PTPRG: variants seen among roughly 807,000 people sequenced by gnomAD.
PTPRG encodes protein tyrosine phosphatase receptor type G.
PTPRG carries 102 observed loss-of-function variants against 165.3 expected under a neutral mutation model. The observed-to-expected ratio is 0.62, with a 90% confidence interval of 0.53 to 0.73. The LOEUF is 0.73. Ranked by LOEUF, PTPRG falls within the 30% of genes least tolerant of loss-of-function variation. The probability of loss-of-function intolerance (pLI) is 0.00; values close to 1 mark genes in which losing one functional copy is unlikely to be tolerated. For synonymous variants in PTPRG, 675 were observed against 669.5 expected, an observed-to-expected ratio of 1.01 and a Z score of -0.13; for missense variants, 1,866 against 1,861.4, an observed-to-expected ratio of 1.00 and a Z score of -0.05.
intron 2 of PTPRG, among the ~76,000 whole-genome samples, chr3:61,851,505 G>A (rs996522455): frequency 3.3e-5 from 5 of 152,080 alleles, no homozygotes; most frequent in Admixed American, 2.6e-4. Flanking sequence ...ATCTCATGGC[G>A]TGCTTTATCT....
intron 2 of PTPRG, among the ~76,000 whole-genome samples, chr3:61,983,600 C>G (rs1370065304): frequency 6.6e-6 from 1 of 152,002 alleles, no homozygotes; most frequent in African/African-American, 2.4e-5. Context: ...ATTCAAGGTA[C>G]ATGCTTATTT....
intron 2 of PTPRG, among the ~76,000 whole-genome samples, chr3:61,818,087 C>T (rs115890011): frequency 0.021 from 3,183 of 152,222 alleles, 60 homozygotes; most frequent in South Asian, 0.034. Context: ...AGAAAAGCTC[C>T]ACCATACCCC....
Position 61,610,749 on chromosome 3 carries a change from GCCTC to G in PTPRG, c.85+48397_85+48400del, listed in dbSNP as rs10662046. On this transcript the variant is annotated intron_variant, in intron 1 of 29. Transcript: ENST00000474889. The stretch of plus-strand genomic sequence containing the variant: ...TCTCTCATTGCCTTCCTGCCTCCCT[GCCTC>G]CCTCCCTCCCTCCCTCCCTACCTCC... Among the ~76,000 whole-genome samples the G allele has an allele frequency of 4.7e-4, 46 of 98,632 alleles. 1 individual carries two copies. The highest frequency in any genetic ancestry group is 2.0e-3 in the South Asian group (5 of 2,554). 64.7% of individuals were successfully genotyped at this position (98,632 alleles called of 152,430 possible). A position where few individuals can be genotyped will look rare whatever the true frequency, so the allele number is the denominator to read the frequency against.
intron 5 of PTPRG, among the ~76,000 whole-genome samples, chr3:62,083,243 C>T (rs1299085127): frequency 6.7e-6 from 1 of 149,756 alleles, no homozygotes; most frequent in Non-Finnish European, 1.5e-5. Context: ...ATAGTAATCG[C>T]GGTTTTTGCC....
rs186310630 is a variant in PTPRG, at chr3:61,866,368, C to T, written c.190+117386C>T. 5.7e-4 allele frequency among the ~76,000 whole-genome samples: 86 copies of T among 152,128 alleles called. 1 individual carries two copies. In the East Asian group the frequency reaches 0.014, roughly 25 times the overall value. On this transcript the variant is annotated intron_variant, in intron 2 of 29. Coordinates refer to ENST00000474889, the MANE Select transcript of PTPRG (RefSeq NM_002841.4). ...CTCTACCTCTAGGCTTACAGAAGGG[C>T]CAGAGGTGGTGCTAATCAGGAACTG... is the stretch of plus-strand genomic sequence containing the variant.
chr3:61,986,459 G>A (rs1288789653), intron 2 of PTPRG, among the ~76,000 whole-genome samples: 1 of 152,130 alleles, frequency 6.6e-6, no homozygotes, highest in African/African-American at 2.4e-5. Flanking sequence ...TTAGCCAGGG[G>A]TTTCAGATGT....
Position 62,229,198 on chromosome 3 carries a change from A to T in PTPRG, c.2289-2027A>T, listed in dbSNP as rs1700837336. Among the ~76,000 whole-genome samples the T allele has an allele frequency of 6.6e-6, 1 of 151,986 alleles. No homozygotes were observed. The highest frequency in any genetic ancestry group is 1.5e-5 in the Non-Finnish European group (1 of 68,000). On this transcript the variant is annotated intron_variant, in intron 13 of 29. Coordinates refer to ENST00000474889, the MANE Select transcript of PTPRG (RefSeq NM_002841.4). This position sits in a 1 kb window ranked among gnomAD's most constrained non-coding sequence, Gnocchi z 4.6. Reference sequence around the variant, plus strand: ...GATGCTAAAAGAGATGGGGGTAGGGAGTCTTTTGAGGTCCCCAAACTGTTC... The same window carrying T: ...GATGCTAAAAGAGATGGGGGTAGGGTGTCTTTTGAGGTCCCCAAACTGTTC...
chr3:62,059,113 G>A (rs1174192916), intron 4 of PTPRG, among the ~76,000 whole-genome samples: 1 of 152,172 alleles, frequency 6.6e-6, no homozygotes, highest in East Asian at 1.9e-4. Context: ...TCTTGAAGCA[G>A]TTTCTTAACC....
At chr3:61,640,621 C>A (rs1164832276) in intron 1 of PTPRG, among the ~76,000 whole-genome samples, 1 of 152,200 alleles carries the variant, frequency 6.6e-6, no homozygotes, top group Non-Finnish European at 1.5e-5. Flanking sequence ...TAGCAAGGGT[C>A]TGAGCTGTCT....
chr3:61,843,605 C>G (rs1449653926), intron 2 of PTPRG, among the ~76,000 whole-genome samples: 2 of 152,106 alleles, frequency 1.3e-5, no homozygotes, highest in African/African-American at 4.8e-5. Context: ...ATTCTACAGT[C>G]TTTCTCAAAA....
At chr3:61,900,407 C>T (rs1250264522) in intron 2 of PTPRG, among the ~76,000 whole-genome samples, 1 of 152,216 alleles carries the variant, frequency 6.6e-6, no homozygotes, top group African/African-American at 2.4e-5. Context: ...AGGCCTGCTC[C>T]TCCTGTCATT....
chr3:61,763,528 G>A (rs1258697350), intron 2 of PTPRG, among the ~76,000 whole-genome samples: 5 of 41,924 alleles, frequency 1.2e-4, no homozygotes, highest in African/African-American at 3.2e-4. Flanking sequence ...ACCACGCCCA[G>A]CTAATTTTTG....
chr3:61,905,887 C>T (rs1383329686), intron 2 of PTPRG, among the ~76,000 whole-genome samples: 1 of 152,196 alleles, frequency 6.6e-6, no homozygotes, highest in Non-Finnish European at 1.5e-5. Flanking sequence ...TTCAGTATTT[C>T]ATCACTAATT....
At chr3:62,088,182 G>A (rs1450437673) in intron 5 of PTPRG, among the ~76,000 whole-genome samples, 1 of 152,238 alleles carries the variant, frequency 6.6e-6, no homozygotes, top group African/African-American at 2.4e-5. Context: ...TAGAGGCACT[G>A]CTGGCATCTC....
chr3:62,279,046 G>C (rs1051168379), intron 26 of PTPRG, among the ~76,000 whole-genome samples: 1 of 152,026 alleles, frequency 6.6e-6, no homozygotes, highest in Non-Finnish European at 1.5e-5. Context: ...TGAGGCCTCA[G>C]AAGGCTAGAT....
chr3:62,064,591 AAT>A (rs1478608640), intron 4 of PTPRG, among the ~76,000 whole-genome samples: 1 of 152,112 alleles, frequency 6.6e-6, no homozygotes, highest in Non-Finnish European at 1.5e-5. Context: ...TAGATACTTG[AAT>A]ATTTGTCTTT....
chr3:61,943,528 A>G (rs966983092), intron 2 of PTPRG, among the ~76,000 whole-genome samples: 2 of 152,204 alleles, frequency 1.3e-5, no homozygotes, highest in African/African-American at 2.4e-5. Flanking sequence ...CAGTGAGCCA[A>G]GATCGCGCCA....
At chr3:61,742,337 A>AT in intron 1 of PTPRG, 1 of 647,472 alleles carries the variant, frequency 1.5e-6, no homozygotes, top group East Asian at 2.8e-5. Context: ...AGTTGCGTTG[A>AT]TATCTTCAGT....
At chr3:61,905,658 A>G (rs1032801560) in intron 2 of PTPRG, among the ~76,000 whole-genome samples, 7 of 152,230 alleles carry the variant, frequency 4.6e-5, no homozygotes, top group Non-Finnish European at 8.8e-5. Context: ...CTACAAAATC[A>G]AGAGAGAACT....
Sources: allele counts gnomAD v4.1 joint callset (sites outside exome capture counted in the v4.1 genomes callset), GRCh38; gene constraint gnomAD v4.1.1; non-coding constraint Gnocchi (gnomAD v3.1); transcripts MANE v1.5; gene names NCBI Gene and HGNC (gene_info 2026-07-23, HGNC 2026-07-21).